The following OSBPL8 variants were observed in gnomAD, a reference collection of about 807,000 sequenced individuals.
OSBPL8 encodes the protein oxysterol binding protein like 8.
In OSBPL8, 59 loss-of-function variants were observed where a neutral mutation model predicts 125.5. The ratio of observed to expected loss-of-function variants is 0.47; its 90% confidence interval spans 0.38 to 0.58. The LOEUF is 0.58. Ranked by LOEUF, OSBPL8 falls within the 20% of genes least tolerant of loss-of-function variation. The pLI is 0.00. For synonymous variants in OSBPL8, 330 were observed against 338.9 expected (o/e 0.97, Z 0.29); for missense variants, 758 against 1,047.8 (o/e 0.72, Z 3.82).
At chr12:76,464,419 TCA>T (rs1368883118) in intron 2 of OSBPL8, among the ~76,000 whole-genome samples, 1 of 152,258 alleles carries the variant, frequency 6.6e-6, no homozygotes, top group Non-Finnish European at 1.5e-5. Flanking sequence ...AATAAAAGTT[TCA>T]GACATACTAT....
At chr12:76,401,363 T>C (rs1363403744) in intron 6 of OSBPL8, among the ~76,000 whole-genome samples, 1 of 152,224 alleles carries the variant, frequency 6.6e-6, no homozygotes, top group African/African-American at 2.4e-5. Context: ...AAATGTTACA[T>C]AGGATTCCAA....
chr12:76,493,237 C>T (rs960234778), intron 1 of OSBPL8, among the ~76,000 whole-genome samples: 1 of 152,168 alleles, frequency 6.6e-6, no homozygotes, highest in South Asian at 2.1e-4. Flanking sequence ...AAGCTTTACA[C>T]CAAAGCTCCA....
At chr12:76,367,549 T>A (rs917316369) in intron 21 of OSBPL8, among the ~76,000 whole-genome samples, 3 of 152,340 alleles carry the variant, frequency 2.0e-5, no homozygotes, top group South Asian at 2.1e-4. Flanking sequence ...GAGTTTAATC[T>A]ATTTACATTT....
At chr12:76,531,234 G>GT (rs2137339710) in intron 1 of OSBPL8, among the ~76,000 whole-genome samples, 1 of 152,236 alleles carries the variant, frequency 6.6e-6, no homozygotes, top group East Asian at 1.9e-4. Context: ...TAAAGTCATT[G>GT]TATCACCTTT....
At chr12:76,362,233 CA>C (rs1408832536) in intron 21 of OSBPL8, among the ~76,000 whole-genome samples, 14 of 151,552 alleles carry the variant, frequency 9.2e-5, no homozygotes, top group African/African-American at 3.4e-4. Context: ...AGAGACACAA[CA>C]AAAAAAATTT....
chr12:76,471,102 T>C (rs1234196208), intron 2 of OSBPL8, among the ~76,000 whole-genome samples: 2 of 152,220 alleles, frequency 1.3e-5, no homozygotes, highest in Non-Finnish European at 2.9e-5. Context: ...ATTTAGATCC[T>C]AGTGCTGCCC....
intron 14 of OSBPL8, 34 bp downstream of exon 14, chr12:76,386,134 A>T (rs749950104): frequency 1.3e-6 from 2 of 1,590,196 alleles, no homozygotes; most frequent in South Asian, 1.2e-5. Flanking sequence ...TAACTTCCAG[A>T]TCAGTTTTGT....
chr12:76,477,194 C>A (rs958616716), intron 2 of OSBPL8, among the ~76,000 whole-genome samples: 1 of 152,160 alleles, frequency 6.6e-6, no homozygotes, highest in African/African-American at 2.4e-5. Flanking sequence ...ATGACCAACT[C>A]AAACTTTTGG....
intron 4 of OSBPL8, among the ~76,000 whole-genome samples, chr12:76,438,264 G>A (rs1463864293): frequency 6.6e-6 from 1 of 150,632 alleles, no homozygotes; most frequent in Admixed American, 6.6e-5. Flanking sequence ...GGGATTACAG[G>A]CATGAGCCAC....
rs181151069 is a variant in OSBPL8, at chr12:76,388,453, A to T, written c.1352+1192T>A. On this transcript the variant is annotated intron_variant, in intron 12 of 23. Transcript: ENST00000261183. Reference sequence around the variant, plus strand: ...AAAGTACAATCTTTCTATTTGAGACAGGGGGCATCTCTCAAGAAAATCTTG... The same window carrying T: ...AAAGTACAATCTTTCTATTTGAGACTGGGGGCATCTCTCAAGAAAATCTTG... 1.3e-4 allele frequency among the ~76,000 whole-genome samples: 20 copies of T among 152,294 alleles called. No homozygotes were observed. In the East Asian group the frequency reaches 3.1e-3, roughly 24 times the overall value.
chr12:76,408,076 G>A (rs1954345685), intron 5 of OSBPL8, among the ~76,000 whole-genome samples: 7 of 150,650 alleles, frequency 4.6e-5, no homozygotes, highest in Admixed American at 4.6e-4. Context: ...GGAGGCTGAG[G>A]TGAGAGGACT....
intron 4 of OSBPL8, among the ~76,000 whole-genome samples, chr12:76,432,385 G>A (rs1870938906): frequency 6.6e-6 from 1 of 151,966 alleles, no homozygotes; most frequent in Non-Finnish European, 1.5e-5. Context: ...TTCAAAATCA[G>A]CCAGGGCAAC....
At chr12:76,483,331 G>A (rs1877746910) in intron 2 of OSBPL8, among the ~76,000 whole-genome samples, 1 of 151,456 alleles carries the variant, frequency 6.6e-6, no homozygotes, top group African/African-American at 2.4e-5. Flanking sequence ...GGGAGACTGA[G>A]GCAGATGGAT....
intron 4 of OSBPL8, among the ~76,000 whole-genome samples, chr12:76,433,072 T>G (rs985961267): frequency 5.3e-5 from 8 of 152,110 alleles, no homozygotes; most frequent in African/African-American, 1.4e-4. Context: ...TAGAAGAAAC[T>G]TATGTAAACA....
chr12:76,502,272 C>T (rs990721871), intron 1 of OSBPL8, among the ~76,000 whole-genome samples: 2 of 152,132 alleles, frequency 1.3e-5, no homozygotes, highest in African/African-American at 4.8e-5. Flanking sequence ...CCCTATTGAT[C>T]CACTAATACA....
chr12:76,378,563 G>T lies in OSBPL8; in HGVS notation c.1631-13C>A. On this transcript the variant is annotated splice_polypyrimidine_tract_variant and intron_variant, in intron 15 of 23. Transcript: ENST00000261183. The stretch of plus-strand genomic sequence containing the variant: ...GATAATGAGTTTCCTGAAATAAAAT[G>T]TTGTTTATTAAATTTCACAAAACTT... 1 of 1,540,508 alleles carries T rather than the reference G, an allele frequency of 6.5e-7. No individual in the cohort carries two copies. The highest frequency in any genetic ancestry group is 8.9e-7 in the Non-Finnish European group (1 of 1,126,880).
At chr12:76,546,450 A>T (rs534683041) in intron 1 of OSBPL8, among the ~76,000 whole-genome samples, 141 of 152,310 alleles carry the variant, frequency 9.3e-4, no homozygotes, top group African/African-American at 3.2e-3. Flanking sequence ...CAAATAATCA[A>T]ATATTATAAA....
chr12:76,496,544 A>ATT (rs111991150), intron 1 of OSBPL8, among the ~76,000 whole-genome samples: 11 of 139,810 alleles, frequency 7.9e-5, no homozygotes, highest in African/African-American at 2.4e-4. Context: ...TGGCTAATAC[A>ATT]TTTTTTTTTT....
At chr12:76,471,272 A>G (rs1363006902) in intron 2 of OSBPL8, among the ~76,000 whole-genome samples, 1 of 152,144 alleles carries the variant, frequency 6.6e-6, no homozygotes, top group Non-Finnish European at 1.5e-5. Flanking sequence ...TTGGATACAC[A>G]TCTCAAACTC....
Sources: gnomAD v4.1 joint callset for allele counts (sites outside exome capture counted in the v4.1 genomes callset) on GRCh38, gnomAD v4.1.1 for gene constraint, MANE v1.5 for transcripts, NCBI Gene and HGNC (gene_info 2026-07-23, HGNC 2026-07-21) for gene names.